The following PRKCE variants were observed in gnomAD, a reference collection of about 807,000 sequenced individuals.
PRKCE encodes protein kinase C epsilon type.
PRKCE carries 16 observed loss-of-function variants against 85.4 expected under a neutral mutation model. That is an observed-to-expected ratio of 0.19 (90% CI 0.13 to 0.28). PRKCE has a LOEUF of 0.28. Ranked by LOEUF, PRKCE falls within the 10% of genes least tolerant of loss-of-function variation. The pLI is 1.00. For missense variants in PRKCE, 573 were observed against 975.2 expected (o/e 0.59, Z 5.49); for synonymous variants, 388 against 371.5 (o/e 1.04, Z -0.51).
At chr2:46,006,957 AG>A (rs1027489569) in intron 8 of PRKCE, among the ~76,000 whole-genome samples, 1 of 152,228 alleles carries the variant, frequency 6.6e-6, no homozygotes, top group African/African-American at 2.4e-5. Flanking sequence ...GGTTTTTAGA[AG>A]GTATGAAGGT....
At chr2:46,023,281 G>A (rs1490670411) in intron 10 of PRKCE, among the ~76,000 whole-genome samples, 5 of 152,096 alleles carry the variant, frequency 3.3e-5, no homozygotes, top group Non-Finnish European at 5.9e-5. Flanking sequence ...ATTTCATAAA[G>A]AGAAAATATG....
chr2:46,004,700 C>T lies in PRKCE; in HGVS notation c.1063+62C>T, dbSNP rs1705017165. Reference sequence around the variant, plus strand: ...CTGCCATTGGATGGACCAAGGAGCTCTGAGGCCTCTTTAACCAAGAGTGAG... The same window carrying T: ...CTGCCATTGGATGGACCAAGGAGCTTTGAGGCCTCTTTAACCAAGAGTGAG... On this transcript the variant is annotated intron_variant, in intron 8 of 14. Transcript: ENST00000306156. This position sits in a 1 kb window ranked among gnomAD's most constrained non-coding sequence, Gnocchi z 4.1. 1.4e-6 allele frequency: 2 copies of T among 1,389,472 alleles called. No individual in the cohort carries two copies. The highest frequency in any genetic ancestry group is 2.0e-5 in the Admixed American group (1 of 50,738). 86.1% of individuals were successfully genotyped at this position (1,389,472 alleles called of 1,614,324 possible). A position where few individuals can be genotyped will look rare whatever the true frequency, so the allele number is the denominator to read the frequency against.
chr2:45,904,550 C>T lies in PRKCE; in HGVS notation c.412+61487C>T, dbSNP rs114299795. On this transcript the variant is annotated intron_variant, in intron 2 of 14. Transcript: ENST00000306156. ...CCTTTTGAGAAGGCAGAGGCGTGCTCGGTGGGTTGGGCTCTGGGCATTTCT... is the reference window on the plus strand; with the variant it reads ...CCTTTTGAGAAGGCAGAGGCGTGCTTGGTGGGTTGGGCTCTGGGCATTTCT... 3.1e-3 allele frequency among the ~76,000 whole-genome samples: 465 copies of T among 152,222 alleles called. 3 individuals carry two copies. Among genetic ancestry groups the T allele is most frequent in the African/African-American group, 0.011 (443 of 41,522 alleles).
intron 13 of PRKCE, among the ~76,000 whole-genome samples, chr2:46,154,021 G>A (rs908141038): frequency 7.9e-5 from 12 of 152,010 alleles, no homozygotes; most frequent in South Asian, 4.1e-4. Context: ...TCCTGACCTC[G>A]TGATCCGCCC....
chr2:45,926,873 A>G (rs1376066394), intron 2 of PRKCE, among the ~76,000 whole-genome samples: 3 of 152,178 alleles, frequency 2.0e-5, no homozygotes, highest in African/African-American at 7.2e-5. Flanking sequence ...CACAAGACAC[A>G]GGATGGTGAG....
chr2:45,908,449 C>A (rs1397405384), intron 2 of PRKCE, among the ~76,000 whole-genome samples: 2 of 152,164 alleles, frequency 1.3e-5, no homozygotes, highest in South Asian at 4.1e-4. Context: ...CACTCTCTCT[C>A]GCCCATTGGA....
chr2:45,803,066 G>T (rs1220939087), intron 1 of PRKCE, among the ~76,000 whole-genome samples: 1 of 152,200 alleles, frequency 6.6e-6, no homozygotes, highest in African/African-American at 2.4e-5. Flanking sequence ...TGGCTTGAAA[G>T]GTGGCACTTG....
chr2:45,794,050 C>T (rs556699154), intron 1 of PRKCE, among the ~76,000 whole-genome samples: 2 of 152,296 alleles, frequency 1.3e-5, no homozygotes, highest in East Asian at 1.9e-4. Flanking sequence ...GCCTTATTAT[C>T]GTGGGGCAGC....
At chr2:45,668,447 T>C (rs1310695312) in intron 1 of PRKCE, among the ~76,000 whole-genome samples, 3 of 152,164 alleles carry the variant, frequency 2.0e-5, no homozygotes, top group Non-Finnish European at 4.4e-5. Flanking sequence ...ATCCATTTGG[T>C]TTATAATTCT....
chr2:46,148,387 T>C (rs17738601), intron 12 of PRKCE, among the ~76,000 whole-genome samples: 1,703 of 152,216 alleles, frequency 0.011, 12 homozygotes, highest in Non-Finnish European at 0.018. Flanking sequence ...CCACCCAAAA[T>C]GAGAAGGCTG....
Position 46,007,550 on chromosome 2 carries a change from C to G in PRKCE, c.1152C>G (p.Gly384=). The G allele has an allele frequency of 6.3e-7, 1 of 1,599,814 alleles. No individual in the cohort carries two copies. The highest frequency in any genetic ancestry group is 1.1e-5 in the South Asian group (1 of 91,088). Residue 384 remains glycine, a synonymous_variant, in exon 9 of 15, where the codon GGC becomes GGG. Coordinates refer to ENST00000306156, the MANE Select transcript of PRKCE (RefSeq NM_005400.3). The stretch of plus-strand genomic sequence containing the variant: ...ACCGGGCAGCATCGTCTCCTGATGG[C>G]CAGCTGATGAGCCCCGGTGAGAATG... The part of the protein sequence containing the change: ...EEHRAASSPD[G]QLMSPGENGE...
intron 1 of PRKCE, among the ~76,000 whole-genome samples, chr2:45,663,902 A>G (rs1039449176): frequency 5.3e-5 from 8 of 152,242 alleles, no homozygotes; most frequent in African/African-American, 1.9e-4. Context: ...CGATTAAAAA[A>G]ACAAAAACCA....
intron 11 of PRKCE, among the ~76,000 whole-genome samples, chr2:46,135,637 T>A (rs760424853): frequency 2.2e-4 from 34 of 151,888 alleles, no homozygotes; most frequent in Non-Finnish European, 4.6e-4. Context: ...CTTGGAGAGA[T>A]TTTCCCTGGA....
intron 2 of PRKCE, among the ~76,000 whole-genome samples, chr2:45,851,360 C>T (rs1356116325): frequency 1.3e-5 from 2 of 152,208 alleles, no homozygotes; most frequent in Admixed American, 6.5e-5. Flanking sequence ...TTACTCTTCT[C>T]AGAACTGGGG....
intron 1 of PRKCE, among the ~76,000 whole-genome samples, chr2:45,691,182 C>T (rs1029652192): frequency 2.0e-5 from 3 of 152,116 alleles, no homozygotes; most frequent in Admixed American, 6.5e-5. Flanking sequence ...GTGGGCTGGG[C>T]GGTTCTCCAT....
At chr2:45,978,926 G>T in intron 3 of PRKCE, 50 bp from the exon 4 acceptor site, 1 of 1,568,538 alleles carries the variant, frequency 6.4e-7, no homozygotes, top group South Asian at 1.1e-5. Context: ...TTTGTTTTTT[G>T]ACCTGGTAAG....
At chr2:45,679,245 A>C (rs1676705178) in intron 1 of PRKCE, among the ~76,000 whole-genome samples, 2 of 152,350 alleles carry the variant, frequency 1.3e-5, no homozygotes, top group African/African-American at 4.8e-5. Context: ...TGTAAACACG[A>C]AACTACAGGC....
At chr2:45,887,090 C>CT (rs1695358593) in intron 2 of PRKCE, among the ~76,000 whole-genome samples, 2 of 152,204 alleles carry the variant, frequency 1.3e-5, no homozygotes, top group Non-Finnish European at 2.9e-5. Context: ...TACATGGTGT[C>CT]TATCTGTAAT....
intron 10 of PRKCE, among the ~76,000 whole-genome samples, chr2:46,075,864 T>C (rs946925489): frequency 1.3e-5 from 2 of 152,206 alleles, no homozygotes; most frequent in South Asian, 2.1e-4. Context: ...GGACACAGCA[T>C]TGGGTAGAGG....
Sources: gnomAD v4.1 joint callset for allele counts (sites outside exome capture counted in the v4.1 genomes callset) on GRCh38, gnomAD v4.1.1 for gene constraint, Gnocchi (gnomAD v3.1) non-coding constraint, MANE v1.5 for transcripts, NCBI Gene and HGNC (gene_info 2026-07-23, HGNC 2026-07-21) for gene names.